The following UBE2QL1 variants were observed in gnomAD, a reference collection of about 807,000 sequenced individuals.
The protein encoded by UBE2QL1 is ubiquitin conjugating enzyme E2 QL1, also known as ubiquitin-conjugating enzyme E2Q-like protein 1.
UBE2QL1 carries 5 observed loss-of-function variants against 12.6 expected under a neutral mutation model. The ratio of observed to expected loss-of-function variants is 0.40; its 90% CI spans 0.21 to 0.83. The LOEUF is 0.83. Ranked by LOEUF, UBE2QL1 falls within the 40% of genes least tolerant of loss-of-function variation. UBE2QL1 has a pLI of 0.37. For synonymous variants in UBE2QL1, 96 were observed against 94.5 expected, an observed-to-expected ratio of 1.02 and a Z score of -0.10; for missense variants, 99 against 222.6, an observed-to-expected ratio of 0.44 and a Z score of 3.53.
At chr5:6,457,175 C>T (rs1186348579) in intron 1 of UBE2QL1, among the ~76,000 whole-genome samples, 1 of 151,968 alleles carries the variant, frequency 6.6e-6, no homozygotes, top group Non-Finnish European at 1.5e-5. Context: ...TGATGGCATT[C>T]CTGCATCCGC....
At chr5:6,453,573 A>G (rs138725063) in intron 1 of UBE2QL1, among the ~76,000 whole-genome samples, 1 of 152,346 alleles carries the variant, frequency 6.6e-6, no homozygotes, top group South Asian at 2.1e-4. Flanking sequence ...AAACTTGTCT[A>G]AGTGTAAGGA....
At chr5:6,477,364 C>T (rs1050472452) in intron 1 of UBE2QL1, among the ~76,000 whole-genome samples, 18 of 151,788 alleles carry the variant, frequency 1.2e-4, no homozygotes, top group African/African-American at 4.1e-4. Flanking sequence ...GACAGGTGTG[C>T]GTGGAGGTCA....
intron 1 of UBE2QL1, among the ~76,000 whole-genome samples, chr5:6,454,656 G>A (rs1185646465): frequency 1.3e-5 from 2 of 152,202 alleles, no homozygotes; most frequent in Non-Finnish European, 2.9e-5. Flanking sequence ...ACTGGATGGA[G>A]AATGTTGCCC....
intron 1 of UBE2QL1, among the ~76,000 whole-genome samples, chr5:6,475,965 T>A (rs1221127723): frequency 6.6e-6 from 1 of 152,190 alleles, no homozygotes; most frequent in Non-Finnish European, 1.5e-5. Context: ...CCCCAAGACC[T>A]GTCGGAAAGA....
intron 1 of UBE2QL1, among the ~76,000 whole-genome samples, chr5:6,453,199 G>A (rs990783173): frequency 6.6e-6 from 1 of 152,162 alleles, no homozygotes; most frequent in South Asian, 2.1e-4. Flanking sequence ...TCGTTGTACA[G>A]GTGAGGAAAC....
In UBE2QL1 at chr5:6,491,556, A is replaced by T; in HGVS notation, c.*207A>T. ...ATGCCGTTCGGATTATGTTTCGATT[A>T]TAAATGAATGATCACCTCGAAGTCA... On this transcript the variant is annotated 3_prime_UTR_variant, in exon 2 of 2. Coordinates refer to ENST00000399816, the MANE Select transcript of UBE2QL1 (RefSeq NM_001145161.3). The T allele has an allele frequency of 1.8e-6, 1 of 544,600 alleles. No individual in the cohort carries two copies. Among genetic ancestry groups the T allele is most frequent in the Non-Finnish European group, 2.9e-6 (1 of 349,136 alleles). 33.7% of individuals were successfully genotyped at this position (544,600 alleles called of 1,614,324 possible).
At chr5:6,457,254 C>T (rs1739545059) in intron 1 of UBE2QL1, among the ~76,000 whole-genome samples, 1 of 151,950 alleles carries the variant, frequency 6.6e-6, no homozygotes, top group East Asian at 1.9e-4. Flanking sequence ...CCCATCTTCA[C>T]CAGGTGAGTC....
chr5:6,477,751 G>A (rs767669334), intron 1 of UBE2QL1, among the ~76,000 whole-genome samples: 24 of 152,210 alleles, frequency 1.6e-4, no homozygotes, highest in Non-Finnish European at 3.1e-4. Flanking sequence ...CATGTGGCAC[G>A]TGTAAGCCAA....
At chr5:6,455,420 C>A (rs532152408) in intron 1 of UBE2QL1, among the ~76,000 whole-genome samples, 6 of 152,218 alleles carry the variant, frequency 3.9e-5, no homozygotes, top group South Asian at 4.2e-4. Flanking sequence ...GATTTTGAGC[C>A]CCACTTTGGA....
intron 1 of UBE2QL1, among the ~76,000 whole-genome samples, chr5:6,463,598 G>GTTATTATTATTATTA (rs149126743): frequency 3.4e-4 from 46 of 137,298 alleles, no homozygotes; most frequent in South Asian, 7.2e-4. Flanking sequence ...TATTTGTGCT[G>GTTATTATTATTATTA]TTATTATTAT....
intron 1 of UBE2QL1, among the ~76,000 whole-genome samples, chr5:6,453,430 C>T (rs1472554832): frequency 6.6e-6 from 1 of 152,172 alleles, no homozygotes; most frequent in African/African-American, 2.4e-5. Flanking sequence ...GCTCAGCCAG[C>T]CATCCGCAAA....
chr5:6,489,201 G>T (rs1734519707), intron 1 of UBE2QL1, among the ~76,000 whole-genome samples: 1 of 152,136 alleles, frequency 6.6e-6, no homozygotes, highest in South Asian at 2.1e-4. Context: ...GAGGTGGAAG[G>T]ATCACTTGAG....
Position 6,493,015 on chromosome 5 carries a change from A to G in UBE2QL1, c.*1666A>G, listed in dbSNP as rs534217527. ...GCAGGGCTGCCCATTCACCAAACTT[A>G]TTGTTACTTTTGTTTTTCTTTACCA... On this transcript the variant is annotated 3_prime_UTR_variant, in exon 2 of 2. Coordinates refer to ENST00000399816, the MANE Select transcript of UBE2QL1 (RefSeq NM_001145161.3). 1 of 152,346 alleles carries G rather than the reference A, an allele frequency of 6.6e-6. No individual in the cohort carries two copies. The highest frequency in any genetic ancestry group is 2.4e-5 in the African/African-American group (1 of 41,572). 9.4% of individuals were successfully genotyped at this position (152,346 alleles called of 1,614,324 possible). A position where few individuals can be genotyped will look rare whatever the true frequency, so the allele number is the denominator to read the frequency against.
In UBE2QL1 at chr5:6,493,006, A is replaced by C. The variant is rs890040201; in HGVS notation, c.*1657A>C. 1 of 152,266 alleles carries C rather than the reference A, an allele frequency of 6.6e-6. No homozygotes were observed. The highest frequency in any genetic ancestry group is 2.4e-5 in the African/African-American group (1 of 41,476). The allele number at this position is 152,266 out of a possible 1,614,324, so 9.4% of individuals were successfully genotyped here. A position where few individuals can be genotyped will look rare whatever the true frequency, so the allele number is the denominator to read the frequency against. On this transcript the variant is annotated 3_prime_UTR_variant, in exon 2 of 2. Transcript: ENST00000399816. ...CGCCTTTCAGCAGGGCTGCCCATTC[A>C]CCAAACTTATTGTTACTTTTGTTTT... is the stretch of plus-strand genomic sequence containing the variant.
rs1002376485 is a variant in UBE2QL1 at position 6,495,076 on chromosome 5, G to A, written c.*3727G>A. ...CATGGCTGGGCAAAGGGAAGGAGAA[G>A]GGCAGGTGTAGCAGGTGTAGAAATG... On this transcript the variant is annotated 3_prime_UTR_variant, in exon 2 of 2. Coordinates refer to ENST00000399816, the MANE Select transcript of UBE2QL1 (RefSeq NM_001145161.3). Among the ~76,000 whole-genome samples the A allele has an allele frequency of 2.0e-5, 3 of 152,164 alleles. No homozygotes were observed. The highest frequency in any genetic ancestry group is 4.4e-5 in the Non-Finnish European group (3 of 68,038).
rs1159346372 is a variant in UBE2QL1 at position 6,481,479 on chromosome 5, C to T, written c.355-9739C>T. ...CAGAGAGGGGGCACGCTCCCCTCCCCGCACACCTCTCCCTGCAGAACCACA... is the reference window on the plus strand; with the variant it reads ...CAGAGAGGGGGCACGCTCCCCTCCCTGCACACCTCTCCCTGCAGAACCACA... On this transcript the variant is annotated intron_variant, in intron 1 of 1. Transcript: ENST00000399816. This position sits in a 1 kb window ranked among gnomAD's most constrained non-coding sequence, Gnocchi z 4.5. Among the ~76,000 whole-genome samples, 2 of 152,194 alleles carry T rather than the reference C, an allele frequency of 1.3e-5. No individual in the cohort carries two copies. The highest frequency in any genetic ancestry group is 2.4e-5 in the African/African-American group (1 of 41,442).
At chr5:6,488,972 G>A (rs540764206) in intron 1 of UBE2QL1, among the ~76,000 whole-genome samples, 50 of 152,158 alleles carry the variant, frequency 3.3e-4, no homozygotes, top group South Asian at 6.2e-4. Context: ...TAATTACATC[G>A]CATAAGCAAA....
chr5:6,474,664 C>G (rs75200082), intron 1 of UBE2QL1, among the ~76,000 whole-genome samples: 1 of 152,146 alleles, frequency 6.6e-6, no homozygotes, highest in Non-Finnish European at 1.5e-5. Context: ...CTGTGGCATG[C>G]GGGGGCCTTC....
chr5:6,487,713 AT>A (rs1432604413), intron 1 of UBE2QL1, among the ~76,000 whole-genome samples: 4 of 152,248 alleles, frequency 2.6e-5, no homozygotes, highest in African/African-American at 9.6e-5. Flanking sequence ...AGTCCTCAGT[AT>A]TTTCAAATGC....
Sources: gnomAD v4.1 joint callset for allele counts (sites outside exome capture counted in the v4.1 genomes callset) on GRCh38, gnomAD v4.1.1 for gene constraint, Gnocchi (gnomAD v3.1) non-coding constraint, MANE v1.5 for transcripts, NCBI Gene and HGNC (gene_info 2026-07-23, HGNC 2026-07-21) for gene names.